OTOGL: variants seen among roughly 807,000 people sequenced by gnomAD.
OTOGL encodes otogelin-like protein.
In OTOGL, 285 loss-of-function variants were observed where a neutral mutation model predicts 318.5. The observed-to-expected ratio is 0.89, with a 90% CI of 0.81 to 0.99. The LOEUF is 0.99. Ranked by LOEUF, OTOGL falls within the 50% of genes least tolerant of loss-of-function variation. The pLI is 0.00. For synonymous variants in OTOGL, 987 were observed against 936.5 expected (o/e 1.05, Z -0.99); for missense variants, 2,899 against 2,845.6 (o/e 1.02, Z -0.43).
chr12:80,209,389 A>G, intron 1 of OTOGL, 24 bp from the exon 2 acceptor site: 3 of 1,299,310 alleles, frequency 2.3e-6, no homozygotes, highest in Non-Finnish European at 3.1e-6. Flanking sequence ...CATAATAAAG[A>G]CCATCAATTT....
chr12:80,348,581 T>C (rs1255378478), intron 44 of OTOGL, among the ~76,000 whole-genome samples: 1 of 152,156 alleles, frequency 6.6e-6, no homozygotes, highest in African/African-American at 2.4e-5. Flanking sequence ...GGCAGAATAG[T>C]ATCTTAAAAT....
chr12:80,302,443 G>C (rs1156702716), intron 27 of OTOGL, among the ~76,000 whole-genome samples, 191 bp from the exon 28 acceptor site: 1 of 152,066 alleles, frequency 6.6e-6, no homozygotes, highest in African/African-American at 2.4e-5. Context: ...TTCGTGTCTG[G>C]TAATCAATAT....
At chr12:80,331,500 C>T (rs572052165) in intron 37 of OTOGL, among the ~76,000 whole-genome samples, 7 of 151,874 alleles carry the variant, frequency 4.6e-5, no homozygotes, top group Admixed American at 2.0e-4. Flanking sequence ...ACCACATGCC[C>T]GGCTAATTTT....
intron 1 of OTOGL, among the ~76,000 whole-genome samples, chr12:80,147,758 A>G (rs955095846): frequency 2.6e-5 from 4 of 152,096 alleles, no homozygotes; most frequent in Non-Finnish European, 5.9e-5. Flanking sequence ...GTGCATATAT[A>G]TTTAGGATAG....
chr12:80,232,926 A>C lies in OTOGL; in HGVS notation c.646A>C (p.Ile216Leu). Residue 216 changes from isoleucine (I) to leucine (L), a missense_variant, in exon 9 of 59, where the codon ATT becomes CTT. Ile to Leu is a conservative substitution (Grantham distance 5). Around this residue, in one of 3 missense-constraint regions of OTOGL, gnomAD observed 2,607 missense variants for 2,524.9 expected, o/e 1.03. Transcript: ENST00000547103. The stretch of plus-strand genomic sequence containing the variant: ...GCCTCAGACAATTGGACAGATTTTC[A>C]TTGAGAAACTAGCTGACTACATTCT... ...TLPQTIGQIF[I>L]EKLADYILVK... is the part of the protein sequence containing the mutation. 1 of 1,599,122 alleles carries C rather than the reference A, an allele frequency of 6.3e-7. No homozygotes were observed. The highest frequency in any genetic ancestry group is 1.1e-5 in the South Asian group (1 of 91,058).
intron 1 of OTOGL, among the ~76,000 whole-genome samples, chr12:80,107,175 C>A (rs4466901): frequency 0.64 from 97,192 of 151,918 alleles, 31,915 homozygotes; most frequent in African/African-American, 0.78. Flanking sequence ...TCTCACACTT[C>A]ATGAAATGTT....
chr12:80,371,966 G>A (rs1890901263), intron 56 of OTOGL, 53 bp from the exon 57 acceptor site: 3 of 1,214,976 alleles, frequency 2.5e-6, no homozygotes, highest in Non-Finnish European at 3.4e-6. Flanking sequence ...TAGTACAAGA[G>A]AACATGGAAG....
At chr12:80,336,172 T>C (rs1888386060) in intron 39 of OTOGL, 32 bp downstream of exon 39, 3 of 1,470,400 alleles carry the variant, frequency 2.0e-6, no homozygotes, top group South Asian at 1.3e-5. Context: ...GGTGATCTTT[T>C]TTTTTTTTTT....
intron 11 of OTOGL, among the ~76,000 whole-genome samples, chr12:80,241,475 T>C (rs1249848530): frequency 6.6e-6 from 1 of 152,126 alleles, no homozygotes; most frequent in Non-Finnish European, 1.5e-5. Flanking sequence ...TTTTTTTCTC[T>C]TTTTTAAGGA....
At chr12:80,197,730 T>A (rs1275809047) in intron 1 of OTOGL, among the ~76,000 whole-genome samples, 2 of 152,210 alleles carry the variant, frequency 1.3e-5, no homozygotes, top group Non-Finnish European at 2.9e-5. Flanking sequence ...AGCAAAGAGA[T>A]GAGTCGAGTT....
In OTOGL at chr12:80,123,512, A is replaced by G. The variant is rs552696327; in HGVS notation, c.-20+23907A>G. Among the ~76,000 whole-genome samples the G allele has an allele frequency of 6.6e-5, 10 of 151,164 alleles. No homozygotes were observed. The South Asian group carries it at 2.1e-3, about 31-fold the overall frequency. ...TAAACATACGTGTGCATGTGCCTTT[A>G]TAGCAGCATGATTTATAATCCTTTG... On this transcript the variant is annotated intron_variant, in intron 1 of 58. Coordinates refer to ENST00000547103, the MANE Select transcript of OTOGL (RefSeq NM_001378609.3).
At chr12:80,193,003 G>A (rs1343283043) in intron 1 of OTOGL, among the ~76,000 whole-genome samples, 4 of 149,652 alleles carry the variant, frequency 2.7e-5, no homozygotes, top group Non-Finnish European at 4.5e-5. Flanking sequence ...AAAAAAAACC[G>A]AATCAGTTGA....
At chr12:80,140,487 A>C (rs1871862758) in intron 1 of OTOGL, among the ~76,000 whole-genome samples, 1 of 152,166 alleles carries the variant, frequency 6.6e-6, no homozygotes, top group Non-Finnish European at 1.5e-5. Flanking sequence ...AAATGTTATG[A>C]ATTTCTTTAT....
chr12:80,280,729 T>C (rs1475114817), intron 26 of OTOGL, among the ~76,000 whole-genome samples: 2 of 151,698 alleles, frequency 1.3e-5, no homozygotes, highest in African/African-American at 2.4e-5. Context: ...GTTTGATGCT[T>C]CCAGCTTTGT....
chr12:80,141,467 G>A (rs1277099492), intron 1 of OTOGL, among the ~76,000 whole-genome samples: 1 of 152,164 alleles, frequency 6.6e-6, no homozygotes, highest in Admixed American at 6.6e-5. Context: ...GGAGGAGGAT[G>A]CTGCCTCCAG....
At chr12:80,347,560 G>C (rs1889275363) in intron 44 of OTOGL, among the ~76,000 whole-genome samples, 1 of 152,050 alleles carries the variant, frequency 6.6e-6, no homozygotes. Flanking sequence ...ATTTGGGTTG[G>C]TTCCAAGTCT....
chr12:80,305,685 C>A lies in OTOGL; in HGVS notation c.3323C>A (p.Ala1108Glu). Residue 1108 changes from alanine to glutamate, a missense_variant, in exon 29 of 59, where the codon GCA (alanine) becomes GAA (glutamate). Transcript: ENST00000547103. The stretch of plus-strand genomic sequence containing the variant: ...GCTCGGGTATTTGGAGATAGTTGGG[C>A]ATTAGGACAGGTAAGTTACATAAAT... ...RNARVFGDSW[A>E]LGQCESPDET... 6.4e-7 allele frequency: 1 copy of A among 1,554,034 alleles called. No homozygotes were observed. Among genetic ancestry groups the A allele is most frequent in the South Asian group, 1.2e-5 (1 of 80,918 alleles).
At chr12:80,201,152 G>C (rs978040108) in intron 1 of OTOGL, among the ~76,000 whole-genome samples, 2 of 152,132 alleles carry the variant, frequency 1.3e-5, no homozygotes, top group African/African-American at 4.8e-5. Flanking sequence ...CTAGGCCTGG[G>C]GAATTATTTT....
At chr12:80,321,055 C>A (rs568773749) in intron 34 of OTOGL, among the ~76,000 whole-genome samples, 149 of 152,196 alleles carry the variant, frequency 9.8e-4, no homozygotes, top group African/African-American at 3.2e-3. Context: ...ATGTTTATAT[C>A]TCCTTTTTCT....
Sources: allele counts gnomAD v4.1 joint callset (sites outside exome capture counted in the v4.1 genomes callset), GRCh38; gene constraint gnomAD v4.1.1; regional missense constraint gnomAD v4.1.1; transcripts MANE v1.5; gene names NCBI Gene and HGNC (gene_info 2026-07-23, HGNC 2026-07-21).